Variants in DOCK1 observed in about 807,000 individuals in gnomAD.
DOCK1 encodes the protein dedicator of cytokinesis protein 1.
DOCK1 carries 138 observed loss-of-function variants against 262.7 expected under a neutral mutation model. That is an observed-to-expected ratio of 0.53 (90% confidence interval 0.46 to 0.61). The LOEUF (loss-of-function observed/expected upper bound fraction) is 0.61. Among genes scored for constraint, DOCK1 ranks in the 20% least tolerant of loss-of-function variants. The probability of loss-of-function intolerance (pLI) is 0.00; values close to 1 mark genes in which losing one functional copy is unlikely to be tolerated. For missense variants in DOCK1, 1,908 were observed against 2,370.7 expected, an observed-to-expected ratio of 0.80 and a Z score of 4.05; for synonymous variants, 866 against 867.4, an observed-to-expected ratio of 1.00 and a Z score of 0.03.
chr10:127,172,062 G>A (rs1271390973), intron 27 of DOCK1, among the ~76,000 whole-genome samples: 1 of 152,186 alleles, frequency 6.6e-6, no homozygotes, highest in African/African-American at 2.4e-5. Flanking sequence ...TAATAACTAT[G>A]TATCAGTGTA....
At position 127,429,092 on chromosome 10, in the gene DOCK1, C is replaced by T. The variant is rs528520507; in HGVS notation, c.4914+3081C>T. Reference sequence around the variant, plus strand: ...TGGGGTACCATGTGGATTGGGGTGCCGTGTGGATTGGGATGCTGTGTGTCC... The same window carrying T: ...TGGGGTACCATGTGGATTGGGGTGCTGTGTGGATTGGGATGCTGTGTGTCC... On this transcript the variant is annotated intron_variant, in intron 47 of 51. Coordinates refer to ENST00000623213, the MANE Select transcript of DOCK1 (RefSeq NM_001290223.2). Among the ~76,000 whole-genome samples the T allele has an allele frequency of 1.5e-4, 23 of 151,194 alleles. 1 individual carries two copies. The highest frequency in any genetic ancestry group is 2.8e-4 in the Non-Finnish European group (19 of 67,774).
rs2071019035 is a variant in DOCK1 at position 127,452,355 on chromosome 10, T to G, written c.*928T>G. On this transcript the variant is annotated 3_prime_UTR_variant, in exon 52 of 52. Coordinates refer to ENST00000623213, the MANE Select transcript of DOCK1 (RefSeq NM_001290223.2). Reference sequence around the variant, plus strand: ...TTTTTTTTTGAGAACTCCAAAGTCCTGAAAATTTTGGTGGACAATGATTTT... The same window carrying G: ...TTTTTTTTTGAGAACTCCAAAGTCCGGAAAATTTTGGTGGACAATGATTTT... 6.6e-6 allele frequency: 1 copy of G among 152,516 alleles called. No homozygotes were observed. Among genetic ancestry groups the G allele is most frequent in the Non-Finnish European group, 1.5e-5 (1 of 68,000 alleles). The allele number at this position is 152,516 out of a possible 1,614,324, so 9.4% of individuals were successfully genotyped here.
intron 38 of DOCK1, among the ~76,000 whole-genome samples, chr10:127,392,320 C>T (rs2066528589): frequency 6.6e-6 from 1 of 152,148 alleles, no homozygotes. Context: ...CAGGGACCAT[C>T]CCTGAGTCCC....
intron 25 of DOCK1, among the ~76,000 whole-genome samples, chr10:127,123,032 T>G (rs2049709512): frequency 6.6e-6 from 1 of 152,224 alleles, no homozygotes. Flanking sequence ...GCTCTGCTGT[T>G]TCTGAGCCCA....
intron 27 of DOCK1, among the ~76,000 whole-genome samples, chr10:127,180,455 C>T (rs916583113): frequency 2.6e-5 from 4 of 152,112 alleles, no homozygotes; most frequent in Admixed American, 2.6e-4. Context: ...ACTGTGCTGT[C>T]TTGAGGTGAA....
chr10:127,364,663 C>T (rs1479031635), intron 33 of DOCK1, among the ~76,000 whole-genome samples: 2 of 152,184 alleles, frequency 1.3e-5, no homozygotes, highest in Non-Finnish European at 2.9e-5. Context: ...CGTGCCCAGC[C>T]CTAGGCAGTT....
chr10:127,374,752 C>T (rs2065393211), intron 35 of DOCK1, among the ~76,000 whole-genome samples: 2 of 152,158 alleles, frequency 1.3e-5, no homozygotes, highest in Admixed American at 6.5e-5. Flanking sequence ...AGAGAAGACA[C>T]AGAAACAGGC....
At chr10:126,988,375 A>G (rs2039561716) in intron 5 of DOCK1, 1 of 152,236 alleles carries the variant, frequency 6.6e-6, no homozygotes, top group African/African-American at 2.4e-5. Context: ...TCTTGAGAAC[A>G]TAGAAAACTT....
chr10:127,024,657 C>A (rs765258236), intron 14 of DOCK1, 28 bp from the exon 15 acceptor site: 1 of 1,583,080 alleles, frequency 6.3e-7, no homozygotes, highest in Non-Finnish European at 8.6e-7. Context: ...TGAGGTCTTA[C>A]GTGAGCTCTT....
chr10:126,928,671 A>G lies in DOCK1; in HGVS notation c.46+23108A>G, dbSNP rs892757905. Among the ~76,000 whole-genome samples the G allele has an allele frequency of 1.1e-3, 166 of 149,202 alleles. 8 individuals are homozygous for G. Among genetic ancestry groups the G allele is most frequent in the African/African-American group, 3.9e-3 (150 of 38,704 alleles). ...GTGGGCCTTTAATCCAATATGCGTG[A>G]TGTCCTTGTTAAGAAGAGGAGGGAC... is the stretch of plus-strand genomic sequence containing the variant. On this transcript the variant is annotated intron_variant, in intron 1 of 51. Coordinates refer to ENST00000623213, the MANE Select transcript of DOCK1 (RefSeq NM_001290223.2).
chr10:127,153,928 A>ATCTTGT, intron 27 of DOCK1: 1 of 1,612,932 alleles, frequency 6.2e-7, no homozygotes, highest in African/African-American at 1.3e-5. Flanking sequence ...GAAAGCCTAC[A>ATCTTGT]AGATAAGAAC....
chr10:127,345,181 A>G lies in DOCK1; in HGVS notation c.3224+1435A>G, dbSNP rs1283646182. ...CCCAGTGACATATTTCTCAGAACAT[A>G]TCCCTGTCATTAAGCAAAGCATGAG... On this transcript the variant is annotated intron_variant, in intron 31 of 51. Coordinates refer to ENST00000623213, the MANE Select transcript of DOCK1 (RefSeq NM_001290223.2). Among the ~76,000 whole-genome samples the G allele has an allele frequency of 3.3e-5, 5 of 152,238 alleles. No homozygotes were observed. The East Asian group carries it at 7.7e-4, about 23-fold the overall frequency.
intron 47 of DOCK1, among the ~76,000 whole-genome samples, chr10:127,426,365 A>G (rs748238699): frequency 3.9e-5 from 6 of 152,212 alleles, no homozygotes; most frequent in South Asian, 4.1e-4. Context: ...ACAGTCATAC[A>G]ATACACACAG....
rs192708184 is a variant in DOCK1, at chr10:127,282,350, T to C, written c.3044+24921T>C. 4.6e-5 allele frequency among the ~76,000 whole-genome samples: 7 copies of C among 152,238 alleles called. No individual in the cohort carries two copies. The East Asian group carries it at 1.4e-3, about 29-fold the overall frequency. ...ATTGGCCTGGGGGAGAAACGTGTGC[T>C]GGATGGAAAAGAGGACAAAGGCATA... On this transcript the variant is annotated intron_variant, in intron 29 of 51. Transcript: ENST00000623213.
rs1055114436 is a variant in DOCK1, at chr10:127,106,236, A to G, written c.2451A>G (p.Ala817=). Residue 817 remains alanine (A), a synonymous_variant, in exon 24 of 52, where the codon GCA becomes GCG. Coordinates refer to ENST00000623213, the MANE Select transcript of DOCK1 (RefSeq NM_001290223.2). ...MSDQTVRVKG[A]ALKYLPTIVN... is the part of the protein sequence containing the mutation. Reference sequence around the variant, plus strand: ...TCTTGTTTCTTGATTTGCAGGGGGCAGCACTGAAATACTTACCAACGATCG... The same window carrying G: ...TCTTGTTTCTTGATTTGCAGGGGGCGGCACTGAAATACTTACCAACGATCG... The G allele has an allele frequency of 1.3e-6, 2 of 1,586,186 alleles. No homozygotes were observed. The highest frequency in any genetic ancestry group is 1.8e-5 in the Admixed American group (1 of 56,188).
At chr10:127,198,324 CTTACTTTA>C (rs1441216762) in intron 27 of DOCK1, among the ~76,000 whole-genome samples, 2 of 152,208 alleles carry the variant, frequency 1.3e-5, no homozygotes, top group Non-Finnish European at 2.9e-5. Context: ...TTCTGTAAAT[CTTACTTTA>C]TTGGCAATCC....
intron 1 of DOCK1, among the ~76,000 whole-genome samples, chr10:126,914,964 A>G (rs1277130965): frequency 1.3e-5 from 2 of 152,162 alleles, no homozygotes; most frequent in African/African-American, 2.4e-5. Context: ...AGGATGGTGC[A>G]TAGATTTTCT....
chr10:127,120,711 T>C (rs996757903), intron 25 of DOCK1, among the ~76,000 whole-genome samples: 2 of 152,212 alleles, frequency 1.3e-5, no homozygotes, highest in African/African-American at 4.8e-5. Context: ...AGTAGCACTT[T>C]TTACATTTGA....
intron 23 of DOCK1, among the ~76,000 whole-genome samples, chr10:127,072,813 A>C (rs908350368): frequency 6.6e-6 from 1 of 152,216 alleles, no homozygotes; most frequent in Non-Finnish European, 1.5e-5. Flanking sequence ...AGCTTTCTAA[A>C]GGGACGGGCA....
Sources: gnomAD v4.1 joint callset for allele counts (sites outside exome capture counted in the v4.1 genomes callset) on GRCh38, gnomAD v4.1.1 for gene constraint, MANE v1.5 for transcripts, NCBI Gene and HGNC (gene_info 2026-07-23, HGNC 2026-07-21) for gene names.